Variants in RRP15 observed in about 807,000 individuals in gnomAD.
RRP15 encodes the protein ribosomal RNA processing 15 homolog.
RRP15 carries 18 observed loss-of-function variants against 27.1 expected under a neutral mutation model. That is an observed-to-expected ratio of 0.66 (90% CI 0.46 to 0.98). The LOEUF is 0.98. Among genes scored for constraint, RRP15 ranks in the 50% least tolerant of loss-of-function variants. The pLI, the probability that RRP15 is intolerant of heterozygous loss-of-function variation, is 0.00. For synonymous variants in RRP15, 107 were observed against 109.4 expected (o/e 0.98, Z 0.14); for missense variants, 359 against 337.8 (o/e 1.06, Z -0.49).
intron 1 of RRP15, among the ~76,000 whole-genome samples, chr1:218,295,873 T>G (rs1437241836): frequency 6.6e-6 from 1 of 152,212 alleles, no homozygotes; most frequent in Non-Finnish European, 1.5e-5. Context: ...TTGGTTATTT[T>G]TATGGAAACC....
intron 1 of RRP15, among the ~76,000 whole-genome samples, chr1:218,299,074 A>G (rs896511233): frequency 1.3e-5 from 2 of 151,204 alleles, no homozygotes; most frequent in Non-Finnish European, 2.9e-5. Flanking sequence ...TGATTAGGAT[A>G]TAATAATATT....
chr1:218,287,766 AGAGAT>A (rs1655573331), intron 1 of RRP15, among the ~76,000 whole-genome samples: 1 of 152,194 alleles, frequency 6.6e-6, no homozygotes, highest in Admixed American at 6.5e-5. Flanking sequence ...CTCTCCTTAT[AGAGAT>A]AAGTTCCCCA....
In RRP15 at chr1:218,289,375, G is replaced by C. The variant is rs574155169; in HGVS notation, c.139+3920G>C. Among the ~76,000 whole-genome samples the C allele has an allele frequency of 2.0e-5, 3 of 152,242 alleles. No homozygotes were observed. The South Asian group carries it at 6.2e-4, about 32-fold the overall frequency. ...CTAGTAGAAAACTGTTACCTCCATA[G>C]GTGCAAGATGTTATCTGTTATTCCA... On this transcript the variant is annotated intron_variant, in intron 1 of 4. Coordinates refer to ENST00000366932, the MANE Select transcript of RRP15 (RefSeq NM_016052.4).
In RRP15 at chr1:218,333,739, C is replaced by A. The variant is rs980386837; in HGVS notation, c.*2648C>A. The A allele has an allele frequency of 6.6e-5, 10 of 152,176 alleles. No individual in the cohort carries two copies. The highest frequency in any genetic ancestry group is 2.2e-4 in the African/African-American group (9 of 41,452). 9.4% of individuals were successfully genotyped at this position (152,176 alleles called of 1,614,324 possible). On this transcript the variant is annotated 3_prime_UTR_variant, in exon 5 of 5. Coordinates refer to ENST00000366932, the MANE Select transcript of RRP15 (RefSeq NM_016052.4). ...TTGTGAACTCCTGAGCTCAAGGGAT[C>A]CCCCCGCCTCTTGCCTCCCAAAGTG... is the stretch of plus-strand genomic sequence containing the variant.
intron 1 of RRP15, among the ~76,000 whole-genome samples, chr1:218,290,930 G>A (rs567658886): frequency 7.9e-4 from 120 of 152,160 alleles, no homozygotes; most frequent in African/African-American, 2.8e-3. Context: ...GGAGTCTGAG[G>A]CCAGCCTAGG....
intron 4 of RRP15, among the ~76,000 whole-genome samples, chr1:218,317,929 CTCA>C (rs1656116085): frequency 6.6e-6 from 1 of 151,716 alleles, no homozygotes; most frequent in South Asian, 2.1e-4. Flanking sequence ...AGATGGGGGT[CTCA>C]TCATGTTGCC....
At chr1:218,304,881 C>T in intron 2 of RRP15, 147 bp from the exon 3 acceptor site, 1 of 668,690 alleles carries the variant, frequency 1.5e-6, no homozygotes, top group Non-Finnish European at 2.5e-6. Flanking sequence ...GAAGCTAAAC[C>T]CCTAACATTG....
intron 1 of RRP15, chr1:218,301,954 C>T (rs1205090980): frequency 4.6e-6 from 1 of 217,162 alleles, no homozygotes; most frequent in Non-Finnish European, 9.1e-6. Flanking sequence ...GGTTTGTGTA[C>T]TTGAATATAC....
At chr1:218,289,284 G>C (rs1438787274) in intron 1 of RRP15, among the ~76,000 whole-genome samples, 1 of 152,132 alleles carries the variant, frequency 6.6e-6, no homozygotes, top group Admixed American at 6.5e-5. Flanking sequence ...GTAGCTGATG[G>C]CATTTCTATT....
At chr1:218,302,593 GT>G in intron 2 of RRP15, 34 bp downstream of exon 2, 1 of 1,597,472 alleles carries the variant, frequency 6.3e-7, no homozygotes, top group Non-Finnish European at 8.5e-7. Context: ...AGATTAGATT[GT>G]TTGTCTAGGC....
intron 4 of RRP15, among the ~76,000 whole-genome samples, chr1:218,309,628 A>G (rs2102503584): frequency 7.2e-6 from 1 of 139,606 alleles, no homozygotes; most frequent in South Asian, 2.4e-4. Context: ...GGGTGCAGTG[A>G]GCCGAGATTG....
At chr1:218,316,240 T>C (rs1203992612) in intron 4 of RRP15, among the ~76,000 whole-genome samples, 1 of 152,190 alleles carries the variant, frequency 6.6e-6, no homozygotes, top group Non-Finnish European at 1.5e-5. Context: ...CTTTAGTTAC[T>C]GTTAACTTAA....
chr1:218,288,650 T>C (rs1428729509), intron 1 of RRP15, among the ~76,000 whole-genome samples: 1 of 152,222 alleles, frequency 6.6e-6, no homozygotes, highest in Non-Finnish European at 1.5e-5. Context: ...CTTAATATGT[T>C]TGAGGAATCA....
chr1:218,334,845 C>T lies in RRP15; in HGVS notation c.*3754C>T, dbSNP rs975708567. On this transcript the variant is annotated 3_prime_UTR_variant, in exon 5 of 5. Coordinates refer to ENST00000366932, the MANE Select transcript of RRP15 (RefSeq NM_016052.4). ...CTATAAAAAGCTCTCTCACTCCTTC[C>T]CCAAGAAAACAGGAGTCTGAATTTT... 6.6e-6 allele frequency: 1 copy of T among 152,156 alleles called. No homozygotes were observed. Among genetic ancestry groups the T allele is most frequent in the Non-Finnish European group, 1.5e-5 (1 of 68,026 alleles). The allele number at this position is 152,156 out of a possible 1,614,324, so 9.4% of individuals were successfully genotyped here. A position where few individuals can be genotyped will look rare whatever the true frequency, so the allele number is the denominator to read the frequency against.
At chr1:218,329,251 A>AT (rs1656327457) in intron 4 of RRP15, among the ~76,000 whole-genome samples, 1 of 141,034 alleles carries the variant, frequency 7.1e-6, no homozygotes, top group Non-Finnish European at 1.5e-5. Flanking sequence ...AAAAAAAAAA[A>AT]AAAAAAAAAA....
intron 1 of RRP15, among the ~76,000 whole-genome samples, chr1:218,288,766 A>C (rs1337307226): frequency 1.3e-5 from 2 of 152,228 alleles, no homozygotes; most frequent in African/African-American, 4.8e-5. Flanking sequence ...TATGGAGACA[A>C]ACTTTTCTCC....
chr1:218,322,655 C>G (rs1367322469), intron 4 of RRP15, among the ~76,000 whole-genome samples: 1 of 152,072 alleles, frequency 6.6e-6, no homozygotes, highest in Non-Finnish European at 1.5e-5. Flanking sequence ...CTTCATAGCT[C>G]CTATCTCAGG....
chr1:218,285,994 A>G (rs1463750238), intron 1 of RRP15, among the ~76,000 whole-genome samples: 1 of 152,136 alleles, frequency 6.6e-6, no homozygotes, highest in African/African-American at 2.4e-5. Flanking sequence ...AATAAAAGGA[A>G]GGAAGGATGT....
At chr1:218,295,204 G>A (rs1389926768) in intron 1 of RRP15, among the ~76,000 whole-genome samples, 2 of 152,138 alleles carry the variant, frequency 1.3e-5, no homozygotes, top group Non-Finnish European at 2.9e-5. Flanking sequence ...ATGATAAAGG[G>A]TAAGATGATA....
Sources: gnomAD v4.1 joint callset for allele counts (sites outside exome capture counted in the v4.1 genomes callset) on GRCh38, gnomAD v4.1.1 for gene constraint, MANE v1.5 for transcripts, NCBI Gene and HGNC (gene_info 2026-07-23, HGNC 2026-07-21) for gene names.